GMDS: variants seen among roughly 807,000 people sequenced by gnomAD.
GMDS encodes GDP-mannose 4,6-dehydratase, also known as GDP-mannose 4,6 dehydratase.
In GMDS, 20 loss-of-function variants were observed where a neutral mutation model predicts 49.9. The ratio of observed to expected loss-of-function variants is 0.40; its 90% CI spans 0.28 to 0.58. The LOEUF is 0.58. GMDS is among the 20% of genes least tolerant of loss of function. The pLI, the probability that GMDS is intolerant of heterozygous loss-of-function variation, is 0.42. For synonymous variants in GMDS, 177 were observed against 178.6 expected (o/e 0.99, Z 0.07); for missense variants, 362 against 481.4 (o/e 0.75, Z 2.32).
intron 7 of GMDS, among the ~76,000 whole-genome samples, chr6:1,765,401 GA>G (rs1450564845): frequency 6.6e-6 from 1 of 152,170 alleles, no homozygotes; most frequent in East Asian, 1.9e-4. Flanking sequence ...CAAGCACTGA[GA>G]AGGCTGTGGT....
At chr6:2,099,273 A>G (rs1773788623) in intron 4 of GMDS, among the ~76,000 whole-genome samples, 1 of 152,134 alleles carries the variant, frequency 6.6e-6, no homozygotes, top group Admixed American at 6.5e-5. Flanking sequence ...TTAAATAGAA[A>G]TTTCTGCAAA....
chr6:1,999,987 ATATATATATTATATATATATAT>A (rs1766633529), intron 4 of GMDS, among the ~76,000 whole-genome samples: 1 of 16,292 alleles, frequency 6.1e-5, no homozygotes, highest in African/African-American at 2.0e-4. Context: ...TATATTTTAT[ATATATATATTATATATATATAT>A]TTTTTATATA....
chr6:2,010,679 C>T (rs2127393403), intron 4 of GMDS, among the ~76,000 whole-genome samples: 1 of 152,152 alleles, frequency 6.6e-6, no homozygotes, highest in Non-Finnish European at 1.5e-5. Context: ...ATAAAAACTT[C>T]CATCTATGTA....
intron 7 of GMDS, among the ~76,000 whole-genome samples, chr6:1,911,494 A>G (rs1330379733): frequency 6.6e-6 from 1 of 152,164 alleles, no homozygotes; most frequent in Non-Finnish European, 1.5e-5. Context: ...ACAGGAAAAA[A>G]ATGGCAGAAA....
chr6:2,229,750 T>A (rs1054277178), intron 1 of GMDS, among the ~76,000 whole-genome samples: 13 of 152,198 alleles, frequency 8.5e-5, no homozygotes, highest in African/African-American at 3.1e-4. Context: ...ATTTGCCTAT[T>A]AACACAATCT....
At chr6:1,991,752 C>T (rs1480854219) in intron 4 of GMDS, among the ~76,000 whole-genome samples, 1 of 152,172 alleles carries the variant, frequency 6.6e-6, no homozygotes, top group East Asian at 1.9e-4. Context: ...AAGTCCTAAT[C>T]CCTGGCAACT....
At chr6:1,742,067 G>A (rs1028168009) in intron 8 of GMDS, among the ~76,000 whole-genome samples, 11 of 151,232 alleles carry the variant, frequency 7.3e-5, no homozygotes, top group Non-Finnish European at 1.2e-4. Context: ...GATAACAGGC[G>A]CGCACCACCA....
intron 7 of GMDS, among the ~76,000 whole-genome samples, chr6:1,790,555 G>C (rs1769498042): frequency 6.6e-6 from 1 of 152,118 alleles, no homozygotes. Flanking sequence ...AATTTCATGA[G>C]GCAAATTTTA....
chr6:1,981,892 T>G (rs1157835042), intron 4 of GMDS, among the ~76,000 whole-genome samples: 1 of 152,198 alleles, frequency 6.6e-6, no homozygotes. Context: ...TAAATGTGAT[T>G]CATCACATAA....
chr6:2,025,678 T>C (rs1317624570), intron 4 of GMDS, among the ~76,000 whole-genome samples: 1 of 152,178 alleles, frequency 6.6e-6, no homozygotes, highest in Non-Finnish European at 1.5e-5. Flanking sequence ...CCTTTGGGTC[T>C]ATAAATGAAT....
At chr6:1,954,250 A>G (rs1763511935) in intron 6 of GMDS, among the ~76,000 whole-genome samples, 1 of 152,264 alleles carries the variant, frequency 6.6e-6, no homozygotes, top group Non-Finnish European at 1.5e-5. Context: ...ACCTTAACTA[A>G]AAATTACTTT....
At chr6:2,041,646 C>A (rs1398078576) in intron 4 of GMDS, among the ~76,000 whole-genome samples, 2 of 151,956 alleles carry the variant, frequency 1.3e-5, no homozygotes, top group African/African-American at 2.4e-5. Flanking sequence ...AGGTGAGGGT[C>A]AAGGGGAGGT....
At chr6:1,977,787 C>G (rs945960366) in intron 4 of GMDS, among the ~76,000 whole-genome samples, 2 of 152,186 alleles carry the variant, frequency 1.3e-5, no homozygotes, top group African/African-American at 4.8e-5. Context: ...CCCATGCTAC[C>G]AGGGCCTTGA....
At chr6:2,116,937 C>T (rs1320848396) in intron 3 of GMDS, among the ~76,000 whole-genome samples, 3 of 152,164 alleles carry the variant, frequency 2.0e-5, no homozygotes, top group Admixed American at 1.3e-4. Context: ...AAACAGTCTG[C>T]TTGTGCTATA....
intron 9 of GMDS, among the ~76,000 whole-genome samples, chr6:1,688,631 G>T (rs960202236): frequency 6.6e-6 from 1 of 152,198 alleles, no homozygotes; most frequent in Admixed American, 6.5e-5. Flanking sequence ...CAGCCAAAAA[G>T]AAAGAATTTG....
rs549153233 is a variant in GMDS at position 2,191,931 on chromosome 6, T to C, written c.102+53390A>G. 1.3e-5 allele frequency among the ~76,000 whole-genome samples: 2 copies of C among 152,260 alleles called. No homozygotes were observed. The highest frequency in any genetic ancestry group is 4.8e-5 in the African/African-American group (2 of 41,558). On this transcript the variant is annotated intron_variant, in intron 1 of 10. Coordinates refer to ENST00000380815, the MANE Select transcript of GMDS (RefSeq NM_001500.4). The surrounding 1 kb of genome is among the most constrained non-coding windows in gnomAD (Gnocchi z 4.6). ...ACCACACTGCAGGCTTATGGTGACT[T>C]TTCTGGGCCTGCCCATGACCACCCA...
intron 7 of GMDS, among the ~76,000 whole-genome samples, chr6:1,838,702 G>T (rs1436111391): frequency 6.6e-6 from 1 of 152,204 alleles, no homozygotes; most frequent in Non-Finnish European, 1.5e-5. Flanking sequence ...ATTGAAAGGA[G>T]AAAGGGGAGA....
intron 9 of GMDS, among the ~76,000 whole-genome samples, chr6:1,701,899 G>C (rs1054299633): frequency 1.3e-5 from 2 of 152,228 alleles, no homozygotes; most frequent in African/African-American, 2.4e-5. Context: ...TCAAAGAGAA[G>C]TAGTTCTTCC....
chr6:2,151,219 C>T (rs984004747), intron 1 of GMDS, among the ~76,000 whole-genome samples: 9 of 152,004 alleles, frequency 5.9e-5, no homozygotes, highest in South Asian at 2.1e-4. Context: ...AGATGATGGA[C>T]ATTCCATTTA....
Sources: allele counts gnomAD v4.1 joint callset (sites outside exome capture counted in the v4.1 genomes callset), GRCh38; gene constraint gnomAD v4.1.1; non-coding constraint Gnocchi (gnomAD v3.1); transcripts MANE v1.5; gene names NCBI Gene and HGNC (gene_info 2026-07-23, HGNC 2026-07-21).